The following RAB27A variants were observed in gnomAD, a reference collection of about 807,000 sequenced individuals.
RAB27A encodes RAB27A, member RAS oncogene family.
In RAB27A, 17 loss-of-function variants were observed where a neutral mutation model predicts 20.8. The observed-to-expected ratio is 0.82, with a 90% confidence interval of 0.56 to 1.23. RAB27A has a LOEUF of 1.23. Ranked by LOEUF, RAB27A falls within the 50% of genes most tolerant of loss-of-function variation. The probability of loss-of-function intolerance (pLI) is 0.00; values close to 1 mark genes in which losing one functional copy is unlikely to be tolerated. For missense variants in RAB27A, 277 were observed against 266.7 expected, an observed-to-expected ratio of 1.04 and a Z score of -0.27; for synonymous variants, 85 against 92.8, an observed-to-expected ratio of 0.92 and a Z score of 0.48.
intron 2 of RAB27A, among the ~76,000 whole-genome samples, chr15:55,235,510 A>C (rs1466492387): frequency 6.6e-6 from 1 of 152,112 alleles, no homozygotes; most frequent in Non-Finnish European, 1.5e-5. Context: ...TAGTACCATT[A>C]GGACAAAAAT....
chr15:55,212,575 C>G (rs931756895), intron 6 of RAB27A, among the ~76,000 whole-genome samples: 14 of 148,064 alleles, frequency 9.5e-5, no homozygotes, highest in African/African-American at 3.6e-4. Context: ...TGTTGCCCAG[C>G]CTGGAGTGCA....
chr15:55,295,264 T>G (rs1289201644), intron 2 of RAB27A, among the ~76,000 whole-genome samples: 1 of 152,150 alleles, frequency 6.6e-6, no homozygotes, highest in Non-Finnish European at 1.5e-5. Context: ...AAACTGGGAA[T>G]GTAAAATAGT....
intron 1 of RAB27A, among the ~76,000 whole-genome samples, chr15:55,286,912 CTTTTTTTT>C (rs35313703): frequency 1.8e-5 from 1 of 57,138 alleles, no homozygotes; most frequent in African/African-American, 6.2e-5. Flanking sequence ...TAGATGTATT[CTTTTTTTT>C]TTTTTTTTTT....
chr15:55,219,198 T>C (rs575575578), intron 6 of RAB27A, among the ~76,000 whole-genome samples: 8 of 152,346 alleles, frequency 5.3e-5, no homozygotes, highest in African/African-American at 1.9e-4. Context: ...TGCTCACTTG[T>C]GGTTGGTGCT....
intron 2 of RAB27A, among the ~76,000 whole-genome samples, chr15:55,249,454 C>A (rs532104872): frequency 6.6e-6 from 1 of 152,074 alleles, no homozygotes; most frequent in African/African-American, 2.4e-5. Flanking sequence ...CTTTTTAATT[C>A]TTTTTGGAAG....
intron 2 of RAB27A, among the ~76,000 whole-genome samples, chr15:55,240,255 C>T (rs1896427825): frequency 6.6e-6 from 1 of 152,060 alleles, no homozygotes; most frequent in Non-Finnish European, 1.5e-5. Flanking sequence ...AGTGAGAACA[C>T]ACAGTACCAG....
intron 1 of RAB27A, among the ~76,000 whole-genome samples, chr15:55,282,578 G>A (rs546955128): frequency 3.9e-5 from 6 of 152,262 alleles, no homozygotes; most frequent in African/African-American, 1.4e-4. Flanking sequence ...CCTTTCCAGG[G>A]TATGGTGGTC....
intron 6 of RAB27A, among the ~76,000 whole-genome samples, chr15:55,208,645 A>T (rs947933645): frequency 7.4e-6 from 1 of 135,424 alleles, no homozygotes; most frequent in Non-Finnish European, 1.5e-5. Context: ...GGAGAGAGGA[A>T]ATCTTTCCCA....
rs186303567 is a variant in RAB27A at position 55,284,004 on chromosome 15, A to G, written c.-143+5712T>C. Reference sequence around the variant, plus strand: ...GCAAATAAGAATGAACAGACTTTTCAGTCTCGTGGCAACCAATTTTATTAT... The same window carrying G: ...GCAAATAAGAATGAACAGACTTTTCGGTCTCGTGGCAACCAATTTTATTAT... On this transcript the variant is annotated intron_variant, in intron 1 of 6. Coordinates refer to ENST00000336787, the MANE Select transcript of RAB27A (RefSeq NM_183235.3). 6.6e-5 allele frequency among the ~76,000 whole-genome samples: 10 copies of G among 152,322 alleles called. No individual in the cohort carries two copies. In the East Asian group the frequency reaches 1.9e-3, roughly 29 times the overall value.
chr15:55,223,751 A>T, intron 6 of RAB27A, 138 bp downstream of exon 6: 1 of 1,002,568 alleles, frequency 1.0e-6, no homozygotes, highest in South Asian at 1.3e-5. Flanking sequence ...TCATATAAAA[A>T]GGACACATTC....
At chr15:55,277,631 G>A (rs935664389) in intron 1 of RAB27A, among the ~76,000 whole-genome samples, 1 of 152,134 alleles carries the variant, frequency 6.6e-6, no homozygotes, top group South Asian at 2.1e-4. Flanking sequence ...TAATTGACAA[G>A]GCACCTGGAA....
At chr15:55,220,950 T>C (rs930215577) in intron 6 of RAB27A, among the ~76,000 whole-genome samples, 4 of 152,196 alleles carry the variant, frequency 2.6e-5, no homozygotes, top group South Asian at 2.1e-4. Flanking sequence ...AGGGTTTCAA[T>C]CATTATCTGC....
intron 2 of RAB27A, among the ~76,000 whole-genome samples, chr15:55,250,564 G>A (rs1896851213): frequency 6.6e-6 from 1 of 152,218 alleles, no homozygotes; most frequent in African/African-American, 2.4e-5. Flanking sequence ...TCAGGCACAT[G>A]TTTCAGCAGA....
chr15:55,233,873 C>T (rs931571589), intron 3 of RAB27A, among the ~76,000 whole-genome samples: 3 of 152,086 alleles, frequency 2.0e-5, no homozygotes, highest in South Asian at 2.1e-4. Flanking sequence ...TAATCACATA[C>T]ATATATGTAG....
chr15:55,249,673 T>C (rs1896817175), intron 2 of RAB27A, among the ~76,000 whole-genome samples: 1 of 152,208 alleles, frequency 6.6e-6, no homozygotes. Context: ...CTAGTCAAGC[T>C]AGTTAGTTGT....
intron 1 of RAB27A, among the ~76,000 whole-genome samples, chr15:55,286,239 T>C (rs1898149459): frequency 6.6e-6 from 1 of 152,218 alleles, no homozygotes; most frequent in Non-Finnish European, 1.5e-5. Context: ...TGTTCCCTTT[T>C]TCATTAGTTC....
intron 6 of RAB27A, among the ~76,000 whole-genome samples, chr15:55,207,881 T>C (rs746557852): frequency 3.9e-5 from 6 of 152,080 alleles, no homozygotes; most frequent in Non-Finnish European, 4.4e-5. Flanking sequence ...GGTCTCAAAC[T>C]CCTGACCTCA....
chr15:55,282,659 C>A (rs1465206674), intron 1 of RAB27A, among the ~76,000 whole-genome samples: 1 of 152,148 alleles, frequency 6.6e-6, no homozygotes, highest in African/African-American at 2.4e-5. Flanking sequence ...GAACCCAAGT[C>A]CCTGTGTAAC....
chr15:55,303,463 G>A (rs1267456077), intron 2 of RAB27A, among the ~76,000 whole-genome samples: 2 of 53,612 alleles, frequency 3.7e-5, no homozygotes, highest in Non-Finnish European at 6.0e-5. Flanking sequence ...CCGGCCAGCC[G>A]CCCCGTCTGG....
Sources: allele counts gnomAD v4.1 joint callset (sites outside exome capture counted in the v4.1 genomes callset), GRCh38; gene constraint gnomAD v4.1.1; transcripts MANE v1.5; gene names NCBI Gene and HGNC (gene_info 2026-07-23, HGNC 2026-07-21).